SRPK2: variants seen among roughly 807,000 people sequenced by gnomAD.
SRPK2 encodes the protein SFRS protein kinase 2.
SRPK2 carries 21 observed loss-of-function variants against 90.8 expected under a neutral mutation model. The ratio of observed to expected loss-of-function variants is 0.23; its 90% CI spans 0.16 to 0.33. The LOEUF (loss-of-function observed/expected upper bound fraction) is 0.33, where lower values mean the gene tolerates loss of function less well. Among genes scored for constraint, SRPK2 ranks in the 10% least tolerant of loss-of-function variants. SRPK2 has a pLI of 1.00. For synonymous variants in SRPK2, 288 were observed against 311.1 expected, an observed-to-expected ratio of 0.93 and a Z score of 0.78; for missense variants, 620 against 869.0, an observed-to-expected ratio of 0.71 and a Z score of 3.60.
At chr7:105,134,497 G>A (rs1037110022) in intron 11 of SRPK2, among the ~76,000 whole-genome samples, 1 of 152,196 alleles carries the variant, frequency 6.6e-6, no homozygotes, top group African/African-American at 2.4e-5. Flanking sequence ...CCGGGTTTCC[G>A]GTATTTTTTA....
intron 2 of SRPK2, among the ~76,000 whole-genome samples, chr7:105,223,413 T>C (rs754650359): frequency 1.1e-4 from 17 of 152,224 alleles, no homozygotes; most frequent in African/African-American, 2.4e-4. Flanking sequence ...CTGACATACA[T>C]ACCTCCCTGC....
intron 2 of SRPK2, among the ~76,000 whole-genome samples, chr7:105,354,033 G>A (rs1817515604): frequency 1.3e-5 from 2 of 152,208 alleles, no homozygotes; most frequent in African/African-American, 2.4e-5. Flanking sequence ...AACCTTCCAG[G>A]ACCTTCCTCT....
chr7:105,247,515 AAC>A (rs1286591696), intron 2 of SRPK2, among the ~76,000 whole-genome samples: 1 of 92,570 alleles, frequency 1.1e-5, no homozygotes, highest in African/African-American at 4.1e-5. Context: ...CATACCAAAA[AAC>A]ACACACACAC....
At chr7:105,149,489 A>C (rs1805264909) in intron 7 of SRPK2, among the ~76,000 whole-genome samples, 1 of 152,064 alleles carries the variant, frequency 6.6e-6, no homozygotes, top group Non-Finnish European at 1.5e-5. Flanking sequence ...TAATCAATAA[A>C]AACTGAGGGA....
chr7:105,365,078 C>A (rs1471218745), intron 2 of SRPK2, among the ~76,000 whole-genome samples: 2 of 152,170 alleles, frequency 1.3e-5, no homozygotes, highest in East Asian at 3.9e-4. Flanking sequence ...GTTAGCCCAT[C>A]CCTTCCTGCC....
chr7:105,373,175 A>C (rs1819888787), intron 2 of SRPK2, among the ~76,000 whole-genome samples: 1 of 152,150 alleles, frequency 6.6e-6, no homozygotes, highest in Non-Finnish European at 1.5e-5. Context: ...AACATAGATA[A>C]TACTACCCAC....
chr7:105,218,972 A>G, intron 2 of SRPK2, among the ~76,000 whole-genome samples: 1 of 152,176 alleles, frequency 6.6e-6, no homozygotes, highest in East Asian at 1.9e-4. Flanking sequence ...AGAAGAGATG[A>G]CAACTAGAAA....
intron 7 of SRPK2, among the ~76,000 whole-genome samples, chr7:105,160,113 T>C (rs1667087177): frequency 6.6e-6 from 1 of 152,224 alleles, no homozygotes; most frequent in South Asian, 2.1e-4. Context: ...CAATTATCTA[T>C]TATTTAATCT....
chr7:105,350,237 T>A (rs1423610944), intron 2 of SRPK2, among the ~76,000 whole-genome samples: 1 of 148,364 alleles, frequency 6.7e-6, no homozygotes, highest in Non-Finnish European at 1.5e-5. Context: ...TTTTAGGTAA[T>A]TCTCCAGCCT....
chr7:105,306,409 A>G (rs772858138), intron 2 of SRPK2: 2 of 417,632 alleles, frequency 4.8e-6, no homozygotes, highest in East Asian at 7.0e-5. Context: ...CACTAGAACC[A>G]AGATGTTTAA....
chr7:105,235,962 G>T lies in SRPK2; in HGVS notation c.72-32177C>A, dbSNP rs73405879. Among the ~76,000 whole-genome samples the T allele has an allele frequency of 3.1e-3, 469 of 152,246 alleles. 3 individuals carry two copies. Among genetic ancestry groups the T allele is most frequent in the African/African-American group, 0.011 (452 of 41,544 alleles). The stretch of plus-strand genomic sequence containing the variant: ...CAGTACTTCTATACTAACATCTATA[G>T]GTACATTAGAGGAAAAGCAAAAGGA... On this transcript the variant is annotated intron_variant, in intron 2 of 15. Transcript: ENST00000393651.
At chr7:105,187,329 T>C (rs1341338903) in intron 3 of SRPK2, among the ~76,000 whole-genome samples, 1 of 152,206 alleles carries the variant, frequency 6.6e-6, no homozygotes, top group Non-Finnish European at 1.5e-5. Context: ...TGCCTAGAAA[T>C]ATGCCCAGAT....
chr7:105,318,360 G>T (rs377018003), intron 2 of SRPK2, among the ~76,000 whole-genome samples: 1 of 152,348 alleles, frequency 6.6e-6, no homozygotes, highest in African/African-American at 2.4e-5. Flanking sequence ...CTCCCAAAGT[G>T]CTGGGATGAC....
At chr7:105,143,838 A>G (rs1212263849) in intron 9 of SRPK2, 1 of 153,372 alleles carries the variant, frequency 6.5e-6, no homozygotes, top group Non-Finnish European at 1.5e-5. Flanking sequence ...GGGAAAAAAG[A>G]AAAAGCTACA....
chr7:105,188,329 A>C (rs77752573), intron 3 of SRPK2, among the ~76,000 whole-genome samples: 3 of 151,970 alleles, frequency 2.0e-5, no homozygotes, highest in South Asian at 4.1e-4. Context: ...AGGGTTGTAG[A>C]GGGGAGGAGA....
chr7:105,320,463 A>G (rs1812814253), intron 2 of SRPK2, among the ~76,000 whole-genome samples: 2 of 151,174 alleles, frequency 1.3e-5, no homozygotes, highest in Non-Finnish European at 2.9e-5. Flanking sequence ...AATTACCTTG[A>G]GAATAAGTTA....
intron 3 of SRPK2, among the ~76,000 whole-genome samples, chr7:105,196,742 CT>C (rs918293303): frequency 1.3e-5 from 2 of 152,010 alleles, no homozygotes; most frequent in Non-Finnish European, 2.9e-5. Flanking sequence ...AGGTTCTTTG[CT>C]TTTTTTTCCT....
At chr7:105,291,044 CAAAAAAAAAA>C (rs10684672) in intron 2 of SRPK2, among the ~76,000 whole-genome samples, 1 of 83,796 alleles carries the variant, frequency 1.2e-5, no homozygotes, top group African/African-American at 5.1e-5. Context: ...GACTCCGTCT[CAAAAAAAAAA>C]AAAAAAAAAA....
chr7:105,334,126 G>C (rs1352297571), intron 2 of SRPK2, among the ~76,000 whole-genome samples: 1 of 152,100 alleles, frequency 6.6e-6, no homozygotes, highest in Non-Finnish European at 1.5e-5. Context: ...TCTGTTGCCA[G>C]GCTGGAGTGC....
Sources: allele counts gnomAD v4.1 joint callset (sites outside exome capture counted in the v4.1 genomes callset), GRCh38; gene constraint gnomAD v4.1.1; transcripts MANE v1.5; gene names NCBI Gene and HGNC (gene_info 2026-07-23, HGNC 2026-07-21).